The following USP9X variants were observed in gnomAD, a reference collection of about 807,000 sequenced individuals.
The protein encoded by USP9X is ubiquitin carboxyl-terminal hydrolase 9X.
A neutral mutation model predicts 190.3 loss-of-function variants in USP9X; 7 were observed. The observed-to-expected ratio is 0.04, with a 90% CI of 0.02 to 0.07. USP9X has a LOEUF of 0.07. USP9X is among the 10% of genes least tolerant of loss of function. The pLI, the probability that USP9X is intolerant of heterozygous loss-of-function variation, is 1.00. For synonymous variants in USP9X, 645 were observed against 659.5 expected (o/e 0.98, Z 0.34); for missense variants, 1,010 against 1,916.9 (o/e 0.53, Z 8.83).
chrX:41,196,158 TCCC>T, intron 26 of USP9X, 90 bp from the exon 27 acceptor site: 1 of 1,004,829 alleles, frequency 1.0e-6, no homozygotes, highest in Non-Finnish European at 1.4e-6. Context: ...CCTTTTATAC[TCCC>T]CCCACCTCTC....
At chrX:41,112,456 TTA>T (rs2062117293) in intron 1 of USP9X, among the ~76,000 whole-genome samples, 1 of 112,348 alleles carries the variant, frequency 8.9e-6, no homozygotes, top group South Asian at 3.7e-4. Flanking sequence ...TAGCTTCTAT[TTA>T]TGTCTGTTAA....
At chrX:41,148,806 T>C (rs2062494567) in intron 12 of USP9X, among the ~76,000 whole-genome samples, 1 of 112,246 alleles carries the variant, frequency 8.9e-6, no homozygotes, top group African/African-American at 3.2e-5. Context: ...GAACAGATTA[T>C]ACAGTGGTGG....
At chrX:41,219,540 A>G (rs753797354) in intron 38 of USP9X, among the ~76,000 whole-genome samples, 3 of 110,347 alleles carry the variant, frequency 2.7e-5, no homozygotes, top group African/African-American at 6.6e-5. Context: ...TGATTGAATC[A>G]GCATCCCCAA....
At position 41,108,450 on chromosome X, in the gene USP9X, T is replaced by G. The variant is rs1395771762; in HGVS notation, c.-158-15021T>G. ...CTTTGAGGCTGTGTCTGAGGTTTGT[T>G]CTGACCCCAGGAAGGTTCTTAGCTT... On this transcript the variant is annotated intron_variant, in intron 1 of 44. Coordinates refer to ENST00000378308, the MANE Select transcript of USP9X (RefSeq NM_001039591.3). Among the ~76,000 whole-genome samples, 3 of 111,390 alleles carry G rather than the reference T, an allele frequency of 2.7e-5. No homozygotes were observed. In the Admixed American group the frequency reaches 2.9e-4, roughly 11 times the overall value.
At chrX:41,086,569 T>G (rs2061913735) in intron 1 of USP9X, among the ~76,000 whole-genome samples, 1 of 112,227 alleles carries the variant, frequency 8.9e-6, no homozygotes, top group Non-Finnish European at 1.9e-5. Context: ...TGGAGTGATT[T>G]GGAGCTGGGG....
intron 13 of USP9X, among the ~76,000 whole-genome samples, chrX:41,151,505 G>A (rs1361482607): frequency 9.0e-6 from 1 of 111,361 alleles, no homozygotes; most frequent in Non-Finnish European, 1.9e-5. Context: ...TCATATTCTG[G>A]TTACTGAAAT....
intron 3 of USP9X, among the ~76,000 whole-genome samples, chrX:41,130,231 T>C (rs1252929565): frequency 2.7e-5 from 3 of 111,457 alleles, no homozygotes; most frequent in Non-Finnish European, 5.7e-5. Context: ...TTTATAAGAA[T>C]ACATTGTGTG....
intron 26 of USP9X, among the ~76,000 whole-genome samples, chrX:41,190,814 C>A (rs754039975): frequency 4.5e-5 from 5 of 111,228 alleles, no homozygotes; most frequent in African/African-American, 1.6e-4. Context: ...GCATGCAGTG[C>A]GGTAATGTAC....
chrX:41,236,111 T>G lies in USP9X; in HGVS notation c.*3587T>G, dbSNP rs1189501701. The G allele has an allele frequency of 9.0e-6, 1 of 110,703 alleles. No individual in the cohort carries two copies. Among genetic ancestry groups the G allele is most frequent in the African/African-American group, 3.3e-5 (1 of 30,298 alleles). The allele number at this position is 110,703 out of a possible 1,213,427, so 9.1% of individuals were successfully genotyped here. On this transcript the variant is annotated 3_prime_UTR_variant, in exon 45 of 45. Coordinates refer to ENST00000378308, the MANE Select transcript of USP9X (RefSeq NM_001039591.3). ...GTTTTGGTCTCTAGTTTGAAGGTACTACATACTGCCGATAAAGGAAAACAC... is the reference window on the plus strand; with the variant it reads ...GTTTTGGTCTCTAGTTTGAAGGTACGACATACTGCCGATAAAGGAAAACAC...
intron 1 of USP9X, among the ~76,000 whole-genome samples, chrX:41,097,791 TGA>T (rs1272164251): frequency 9.0e-6 from 1 of 111,158 alleles, no homozygotes; most frequent in Non-Finnish European, 1.9e-5. Context: ...ATAGTACACT[TGA>T]GAAAGAATGA....
rs371008986 is a variant in USP9X at position 41,187,829 on chromosome X, C to CT, written c.3685-144dup. Among the ~76,000 whole-genome samples, 2,491 of 91,595 alleles carry CT rather than the reference C, an allele frequency of 0.027. 59 individuals carry two copies. Among genetic ancestry groups the CT allele is most frequent in the African/African-American group, 0.081 (2,060 of 25,478 alleles). The allele number at this position is 91,595 out of a possible 115,157, so 79.5% of individuals were successfully genotyped here. The stretch of plus-strand genomic sequence containing the variant: ...GAGCCAGAGGGCCCTCCGCCCCCAC[C>CT]TTTTTTTTTTTTTTTTTTTAAGACA... On this transcript the variant is annotated intron_variant, in intron 24 of 44. Coordinates refer to ENST00000378308, the MANE Select transcript of USP9X (RefSeq NM_001039591.3).
chrX:41,169,713 C>CTGA (rs2062708055), intron 18 of USP9X, among the ~76,000 whole-genome samples: 1 of 111,578 alleles, frequency 9.0e-6, no homozygotes, highest in Non-Finnish European at 1.9e-5. Flanking sequence ...GCCTCGGCCT[C>CTGA]CCAAAGTGCT....
chrX:41,217,597 A>G (rs2063223924), intron 36 of USP9X, among the ~76,000 whole-genome samples: 2 of 111,864 alleles, frequency 1.8e-5, no homozygotes, highest in Admixed American at 9.5e-5. Flanking sequence ...AAAGACTACA[A>G]GCTGAGACTG....
chrX:41,183,303 T>G (rs1263067329), intron 21 of USP9X, among the ~76,000 whole-genome samples: 1 of 111,323 alleles, frequency 9.0e-6, no homozygotes, highest in African/African-American at 3.3e-5. Context: ...TCAAGGTATT[T>G]TTTTAATCAT....
chrX:41,184,680 TAC>T lies in USP9X; in HGVS notation c.3558+7_3558+8del, dbSNP rs764734591. On this transcript the variant is annotated splice_donor_region_variant and intron_variant, in intron 23 of 44. Transcript: ENST00000378308. ...GGTGTGAATCCCATGACACAGGTAA[TAC>T]AGACTTTTTAAAAATCCTTTTATAA... The T allele has an allele frequency of 8.4e-7, 1 of 1,189,617 alleles. No homozygotes were observed. Among genetic ancestry groups the T allele is most frequent in the Admixed American group, 2.3e-5 (1 of 42,810 alleles).
At chrX:41,168,307 C>G in intron 18 of USP9X, 89 bp downstream of exon 18, 1 of 833,885 alleles carries the variant, frequency 1.2e-6, no homozygotes, top group Non-Finnish European at 1.6e-6. Context: ...AAATTTTTCT[C>G]GTTTGAAAAT....
In USP9X at chrX:41,170,250, T is replaced by C; in HGVS notation, c.2877+15T>C. On this transcript the variant is annotated intron_variant, in intron 19 of 44. Transcript: ENST00000378308. ...AAGATAAATCGGTATGTATGTATAGTTAACAGATTTTTCAATAAAATCAAA... is the reference window on the plus strand; with the variant it reads ...AAGATAAATCGGTATGTATGTATAGCTAACAGATTTTTCAATAAAATCAAA... 1 of 1,190,261 alleles carries C rather than the reference T, an allele frequency of 8.4e-7. No homozygotes were observed.
At chrX:41,122,061 G>A (rs1469042657) in intron 1 of USP9X, among the ~76,000 whole-genome samples, 8 of 110,778 alleles carry the variant, frequency 7.2e-5, no homozygotes, top group African/African-American at 2.6e-4. Context: ...TATGTAGTTT[G>A]AACCCTCTTA....
chrX:41,197,435 G>C lies in USP9X; in HGVS notation c.4305G>C (p.Lys1435Asn), dbSNP rs763313977. 1 of 1,179,619 alleles carries C rather than the reference G, an allele frequency of 8.5e-7. No individual in the cohort carries two copies. Among genetic ancestry groups the C allele is most frequent in the Non-Finnish European group, 1.1e-6 (1 of 877,664 alleles). Reference protein sequence around the residue: ...TILEGHLGVTKELLAFQTSEK... With the variant: ...TILEGHLGVTNELLAFQTSEK... Reference sequence around the variant, plus strand: ...TAGAGGGCCACCTTGGAGTGACAAAGGAGTTACTGGCCTTTCAAACTTCTG... The same window carrying C: ...TAGAGGGCCACCTTGGAGTGACAAACGAGTTACTGGCCTTTCAAACTTCTG... The change falls in exon 29 of 45, where the codon AAG becomes AAC. Residue 1435 changes from lysine (K) to asparagine (N), a missense_variant. By Grantham distance (94) the Lys-to-Asn change is moderately conservative. Transcript: ENST00000378308.
Sources: gnomAD v4.1 joint callset for allele counts (sites outside exome capture counted in the v4.1 genomes callset) on GRCh38, gnomAD v4.1.1 for gene constraint, MANE v1.5 for transcripts, NCBI Gene and HGNC (gene_info 2026-07-23, HGNC 2026-07-21) for gene names.